B3GNT7: variants seen among roughly 807,000 people sequenced by gnomAD.
B3GNT7 encodes UDP-GlcNAc:betaGal beta-1,3-N-acetylglucosaminyltransferase 7, also known as BGnT-7.
B3GNT7 carries 9 observed loss-of-function variants against 5.1 expected under a neutral mutation model. The ratio of observed to expected loss-of-function variants is 1.77; its 90% confidence interval spans 1.07 to 3.09. The LOEUF is 3.09. Ranked by LOEUF, B3GNT7 falls within the 30% of genes most tolerant of loss-of-function variation. The pLI is 0.00. For synonymous variants in B3GNT7, 253 were observed against 248.6 expected (o/e 1.02, Z -0.17); for missense variants, 468 against 550.8 (o/e 0.85, Z 1.50).
chr2:231,401,082 G>A lies in B3GNT7; in HGVS notation c.*2157G>A, dbSNP rs2046559177. On this transcript the variant is annotated 3_prime_UTR_variant, in exon 2 of 2. Coordinates refer to ENST00000287590, the MANE Select transcript of B3GNT7 (RefSeq NM_145236.3). ...AGTTGTAAGCTCTTAAAAGGGCTAG[G>A]AATTTCTTTTTCGGGGAGCTCGGCT... 1 of 152,180 alleles carries A rather than the reference G, an allele frequency of 6.6e-6. No individual in the cohort carries two copies. The highest frequency in any genetic ancestry group is 6.5e-5 in the Admixed American group (1 of 15,276). 9.4% of individuals were successfully genotyped at this position (152,180 alleles called of 1,614,324 possible).
rs1219594980 is a variant in B3GNT7, at chr2:231,401,157, T to C, written c.*2232T>C. On this transcript the variant is annotated 3_prime_UTR_variant, in exon 2 of 2. Transcript: ENST00000287590. ...TCCCGGCCGAATAAAAACCTCTTCCTTCTTTAATCCGGTGTCTGAGGAGTT... is the reference window on the plus strand; with the variant it reads ...TCCCGGCCGAATAAAAACCTCTTCCCTCTTTAATCCGGTGTCTGAGGAGTT... 1.3e-5 allele frequency: 2 copies of C among 152,272 alleles called. No individual in the cohort carries two copies. Among genetic ancestry groups the C allele is most frequent in the Non-Finnish European group, 2.9e-5 (2 of 68,052 alleles). The allele number at this position is 152,272 out of a possible 1,614,324, so 9.4% of individuals were successfully genotyped here.
chr2:231,396,024 G>T (rs1440951621), intron 1 of B3GNT7, among the ~76,000 whole-genome samples: 1 of 151,878 alleles, frequency 6.6e-6, no homozygotes, highest in South Asian at 2.1e-4. Context: ...CCGGACCCGT[G>T]GGGGACGTCG....
At position 231,400,239 on chromosome 2, in the gene B3GNT7, C is replaced by A. The variant is rs180839274; in HGVS notation, c.*1314C>A. 1 of 150,964 alleles carries A rather than the reference C, an allele frequency of 6.6e-6. No individual in the cohort carries two copies. The highest frequency in any genetic ancestry group is 6.7e-5 in the Admixed American group (1 of 15,006). The allele number at this position is 150,964 out of a possible 1,614,324, so 9.4% of individuals were successfully genotyped here. ...TTGGCTGGTGGGTGCACAAGGACTT[C>A]TGGAAGGGATTTAGACGGGGCTGAG... is the stretch of plus-strand genomic sequence containing the variant. On this transcript the variant is annotated 3_prime_UTR_variant, in exon 2 of 2. Transcript: ENST00000287590.
intron 1 of B3GNT7, among the ~76,000 whole-genome samples, chr2:231,396,172 T>G (rs1307747649): frequency 2.6e-5 from 4 of 151,896 alleles, no homozygotes; most frequent in African/African-American, 4.8e-5. Context: ...GCCCCCTGCG[T>G]CCGGGCCACT....
Position 231,397,425 on chromosome 2 carries a change from G to T in B3GNT7, c.12-306G>T, listed in dbSNP as rs2046524580. 3 of 416,802 alleles carry T rather than the reference G, an allele frequency of 7.2e-6. No individual in the cohort carries two copies. In the South Asian group the frequency reaches 2.3e-4, roughly 32 times the overall value. The allele number at this position is 416,802 out of a possible 1,614,324, so 25.8% of individuals were successfully genotyped here. A position where few individuals can be genotyped will look rare whatever the true frequency, so the allele number is the denominator to read the frequency against. On this transcript the variant is annotated intron_variant, in intron 1 of 1. Coordinates refer to ENST00000287590, the MANE Select transcript of B3GNT7 (RefSeq NM_145236.3). ...GTACTTTATATAGCACTCCAATCCT[G>T]TGTTTTAGCCCCATTTGGGGGAAGA...
rs751148913 is a variant in B3GNT7, at chr2:231,397,824, G to T, written c.105G>T (p.Leu35=). ...GCAGTCTCACCCCTGGTCAGTTTCT[G>T]CAGGAGCCTCCGCCACCCACCCTGG... ...FQRSLTPGQF[L]QEPPPPTLEP... The change falls in exon 2 of 2, where the codon CTG becomes CTT. Residue 35 remains leucine (L), a synonymous_variant. Transcript: ENST00000287590. 1.2e-6 allele frequency: 2 copies of T among 1,613,798 alleles called. No individual in the cohort carries two copies. The highest frequency in any genetic ancestry group is 2.2e-5 in the South Asian group (2 of 91,090).
At position 231,397,969 on chromosome 2, in the gene B3GNT7, G is replaced by T. The variant is rs766981564; in HGVS notation, c.250G>T (p.Val84Leu). 6.2e-7 allele frequency: 1 copy of T among 1,612,124 alleles called. No homozygotes were observed. Among genetic ancestry groups the T allele is most frequent in the Non-Finnish European group, 8.5e-7 (1 of 1,179,892 alleles). ...CTCTCAGGGGCCCCAGGCCTGGGAC[G>T]TGACCACCACTAACTGCTCAGCCAA... is the stretch of plus-strand genomic sequence containing the variant. ...MASQGPQAWDVTTTNCSANIN... is the reference protein window; with the variant it reads ...MASQGPQAWDLTTTNCSANIN... The change falls in exon 2 of 2, where the codon GTG becomes TTG. Residue 84 changes from valine to leucine, a missense_variant. By Grantham distance (32) the Val-to-Leu change is conservative. Transcript: ENST00000287590.
At position 231,398,818 on chromosome 2, in the gene B3GNT7, T is replaced by A; in HGVS notation, c.1099T>A (p.Phe367Ile). The A allele has an allele frequency of 6.2e-7, 1 of 1,604,240 alleles. No individual in the cohort carries two copies. Among genetic ancestry groups the A allele is most frequent in the Non-Finnish European group, 8.5e-7 (1 of 1,179,802 alleles). ...NSRMNKEPCF[F>I]RAMLVVHKLL... ...CCGCATGAACAAGGAGCCGTGCTTTTTCCGCGCCATGCTCGTGGTGCACAA... is the reference window on the plus strand; with the variant it reads ...CCGCATGAACAAGGAGCCGTGCTTTATCCGCGCCATGCTCGTGGTGCACAA... Residue 367 changes from phenylalanine (F) to isoleucine (I), a missense_variant, in exon 2 of 2, where the codon TTC becomes ATC. Phe to Ile is a conservative substitution (Grantham distance 21, BLOSUM62 0). Coordinates refer to ENST00000287590, the MANE Select transcript of B3GNT7 (RefSeq NM_145236.3).
At chr2:231,397,575 G>A (rs1436576583) in intron 1 of B3GNT7, among the ~76,000 whole-genome samples, 156 bp from the exon 2 acceptor site, 1 of 152,148 alleles carries the variant, frequency 6.6e-6, no homozygotes, top group African/African-American at 2.4e-5. Context: ...GGGAGAGGAA[G>A]CGGGACCCTA....
At position 231,395,963 on chromosome 2, in the gene B3GNT7, T is replaced by TGGGC. The variant is rs553221468; in HGVS notation, c.11+159_11+162dup. ...CCGGCCTCAGTTTCCCGGGGGCGGATGGGCGGGCGGGCGCGGCGGCGGCGG... is the reference window on the plus strand; with the variant it reads ...CCGGCCTCAGTTTCCCGGGGGCGGATGGGCGGGCGGGCGGGCGCGGCGGCGGCGG... On this transcript the variant is annotated intron_variant, in intron 1 of 1. Transcript: ENST00000287590. This position sits in a 1 kb window ranked among gnomAD's most constrained non-coding sequence, Gnocchi z 7.3. 1.3e-5 allele frequency: 6 copies of TGGGC among 451,166 alleles called. No individual in the cohort carries two copies. The highest frequency in any genetic ancestry group is 6.8e-5 in the East Asian group (1 of 14,652). The allele number at this position is 451,166 out of a possible 1,614,324, so 27.9% of individuals were successfully genotyped here. A position where few individuals can be genotyped will look rare whatever the true frequency, so the allele number is the denominator to read the frequency against.
chr2:231,399,234 T>G lies in B3GNT7; in HGVS notation c.*309T>G. ...CCGTTGCTGGCCCCCTCAGATGTGG[T>G]GGGAGGTCCTGGTGACCTCTGGAGG... On this transcript the variant is annotated 3_prime_UTR_variant, in exon 2 of 2. Coordinates refer to ENST00000287590, the MANE Select transcript of B3GNT7 (RefSeq NM_145236.3). 1 of 407,416 alleles carries G rather than the reference T, an allele frequency of 2.5e-6. No individual in the cohort carries two copies. The highest frequency in any genetic ancestry group is 3.4e-5 in the South Asian group (1 of 29,244). 25.2% of individuals were successfully genotyped at this position (407,416 alleles called of 1,614,324 possible). A position where few individuals can be genotyped will look rare whatever the true frequency, so the allele number is the denominator to read the frequency against.
chr2:231,398,164 C>T lies in B3GNT7; in HGVS notation c.445C>T (p.Arg149Cys), dbSNP rs764013214. Residue 149 changes from arginine to cysteine, a missense_variant, in exon 2 of 2, where the codon CGC (arginine) becomes TGC (cysteine). Transcript: ENST00000287590. The part of the protein sequence containing the change: ...VVKSVITQHD[R>C]REAIRQTWGR... The stretch of plus-strand genomic sequence containing the variant: ...CAAGTCGGTCATCACGCAGCACGAC[C>T]GCCGCGAGGCCATCCGCCAGACCTG... 7.5e-6 allele frequency: 12 copies of T among 1,590,606 alleles called. No individual in the cohort carries two copies. Among genetic ancestry groups the T allele is most frequent in the African/African-American group, 1.3e-5 (1 of 74,548 alleles).
chr2:231,396,945 T>G (rs556900562), intron 1 of B3GNT7, among the ~76,000 whole-genome samples: 1 of 152,312 alleles, frequency 6.6e-6, no homozygotes, highest in East Asian at 1.9e-4. Flanking sequence ...GCTGCAAATG[T>G]GCCCCCTCCC....
chr2:231,397,604 T>A, intron 1 of B3GNT7, 127 bp from the exon 2 acceptor site: 1 of 878,848 alleles, frequency 1.1e-6, no homozygotes, highest in Non-Finnish European at 1.7e-6. Context: ...GCTTAGGGAC[T>A]CCGGGACTGA....
In B3GNT7 at chr2:231,396,153, C is replaced by T. The variant is rs540369902; in HGVS notation, c.11+339C>T. On this transcript the variant is annotated intron_variant, in intron 1 of 1. Coordinates refer to ENST00000287590, the MANE Select transcript of B3GNT7 (RefSeq NM_145236.3). ...AGCTGGGTCCCCTCTCCCTTCCAGA[C>T]CCCTGAGGGCCCCCTGCGTCCGGGC... Among the ~76,000 whole-genome samples, 346 of 152,226 alleles carry T rather than the reference C, an allele frequency of 2.3e-3. 1 individual carries two copies. The highest frequency in any genetic ancestry group is 7.6e-3 in the African/African-American group (316 of 41,566).
At position 231,397,977 on chromosome 2, in the gene B3GNT7, C is replaced by T. The variant is rs765135137; in HGVS notation, c.258C>T (p.Thr86=). 2.5e-6 allele frequency: 4 copies of T among 1,612,058 alleles called. No individual in the cohort carries two copies. The South Asian group carries it at 4.4e-5, about 18-fold the overall frequency. ...GGCCCCAGGCCTGGGACGTGACCAC[C>T]ACTAACTGCTCAGCCAATATCAACT... The part of the protein sequence containing the change: ...SQGPQAWDVT[T]TNCSANINLT... Residue 86 remains threonine (T), a synonymous_variant, in exon 2 of 2, where the codon ACC becomes ACT. Transcript: ENST00000287590.
In B3GNT7 at chr2:231,398,436, C is replaced by T. The variant is rs1360106216; in HGVS notation, c.717C>T (p.Gly239=). The change falls in exon 2 of 2, where the codon GGC becomes GGT. Residue 239 remains glycine, a synonymous_variant. Transcript: ENST00000287590. ...YCPHVPFIFK[G]DDDVFVNPTN... is the part of the protein sequence containing the mutation. ...CCCACGTCCCCTTCATTTTCAAAGG[C>T]GACGATGACGTCTTCGTCAACCCCA... The T allele has an allele frequency of 7.4e-6, 12 of 1,613,630 alleles. No individual in the cohort carries two copies. The highest frequency in any genetic ancestry group is 1.7e-5 in the Admixed American group (1 of 60,016).
chr2:231,398,571 C>G lies in B3GNT7; in HGVS notation c.852C>G (p.Ile284Met). 6.2e-7 allele frequency: 1 copy of G among 1,612,960 alleles called. No individual in the cohort carries two copies. Among genetic ancestry groups the G allele is most frequent in the Non-Finnish European group, 8.5e-7 (1 of 1,179,536 alleles). Residue 284 changes from isoleucine (I) to methionine (M), a missense_variant, in exon 2 of 2, where the codon ATC (isoleucine) becomes ATG (methionine). Coordinates refer to ENST00000287590, the MANE Select transcript of B3GNT7 (RefSeq NM_145236.3). ...GCAGGAAAGACAACAAATACTACAT[C>G]CCGGGGGCCCTGTACGGCAAGGCCA... Reference protein sequence around the residue: ...PIRRKDNKYYIPGALYGKASY... With the variant: ...PIRRKDNKYYMPGALYGKASY...
chr2:231,397,301 G>C, intron 1 of B3GNT7: 1 of 986,658 alleles, frequency 1.0e-6, no homozygotes, highest in Non-Finnish European at 1.2e-6. Context: ...GGAAATGAAA[G>C]GCATTGGGGT....
Sources: gnomAD v4.1 joint callset for allele counts (sites outside exome capture counted in the v4.1 genomes callset) on GRCh38, gnomAD v4.1.1 for gene constraint, Gnocchi (gnomAD v3.1) non-coding constraint, MANE v1.5 for transcripts, NCBI Gene and HGNC (gene_info 2026-07-23, HGNC 2026-07-21) for gene names.